Variants in BTNL2 observed in about 807,000 individuals in gnomAD.
The protein encoded by BTNL2 is butyrophilin like 2, also known as butyrophilin-like protein 2.
Under a neutral mutation model 46.8 loss-of-function variants are expected in BTNL2, and 46 were observed. That is an observed-to-expected ratio of 0.98 (90% confidence interval 0.78 to 1.26). The LOEUF is 1.26. Ranked by LOEUF, BTNL2 falls within the 50% of genes most tolerant of loss-of-function variation. BTNL2 has a pLI of 0.00. For synonymous variants in BTNL2, 226 were observed against 229.1 expected (o/e 0.99, Z 0.12); for missense variants, 461 against 592.6 (o/e 0.78, Z 2.31).
At position 32,396,491 on chromosome 6, in the gene BTNL2, G is replaced by GCAACCCT; in HGVS notation, c.731-106_731-105insAGGGTTG. 1 of 1,163,482 alleles carries GCAACCCT rather than the reference G, an allele frequency of 8.6e-7. No homozygotes were observed. Among genetic ancestry groups the GCAACCCT allele is most frequent in the Non-Finnish European group, 1.2e-6 (1 of 807,506 alleles). 72.1% of individuals were successfully genotyped at this position (1,163,482 alleles called of 1,614,324 possible). ...GAGTTTAGAAACCATGAGCATCCCAGGGTTGCTGTGAGGCTCAGGGTCATC... is the reference window on the plus strand; with the variant it reads ...GAGTTTAGAAACCATGAGCATCCCAGCAACCCTGGTTGCTGTGAGGCTCAGGGTCATC... On this transcript the variant is annotated intron_variant, in intron 4 of 7. Coordinates refer to ENST00000454136, the MANE Select transcript of BTNL2 (RefSeq NM_001304561.2). The surrounding 1 kb of genome is among the most constrained non-coding windows in gnomAD (Gnocchi z 4.4).
chr6:32,402,959 TCTC>T lies in BTNL2; in HGVS notation c.682_684del (p.Glu228del). ...CCTGGGAGGCTGATGACCGACCCCT[TCTC>T]CTCAGTGAGGACGGGGTTGTGGACC... On this transcript the variant is annotated inframe_deletion, in exon 3 of 8. Transcript: ENST00000454136. The T allele has an allele frequency of 1.9e-6, 3 of 1,612,904 alleles. No homozygotes were observed. The highest frequency in any genetic ancestry group is 2.5e-6 in the Non-Finnish European group (3 of 1,179,954).
chr6:32,406,095 C>T (rs1232308040), intron 1 of BTNL2: 1 of 152,458 alleles, frequency 6.6e-6, no homozygotes, highest in Admixed American at 6.5e-5. Flanking sequence ...GCTCCGGGGC[C>T]ATTTGCTCTT....
At chr6:32,401,207 CAAAAAAAAAAAAAAAAAAAAAAAA>C (rs9279632) in intron 4 of BTNL2, among the ~76,000 whole-genome samples, 11 of 38,918 alleles carry the variant, frequency 2.8e-4, no homozygotes, top group South Asian at 1.1e-3. Flanking sequence ...GACTCCGTCT[CAAAAAAAAAAAAAAAAAAAAAAAA>C]AAAAAAAAAA....
At chr6:32,404,559 T>C (rs1776994241) in intron 2 of BTNL2, among the ~76,000 whole-genome samples, 1 of 152,216 alleles carries the variant, frequency 6.6e-6, no homozygotes, top group South Asian at 2.1e-4. Flanking sequence ...TAGATGGGAT[T>C]GGGTAGAGAA....
intron 4 of BTNL2, among the ~76,000 whole-genome samples, chr6:32,397,583 C>G (rs1776528121): frequency 6.6e-6 from 1 of 152,208 alleles, no homozygotes; most frequent in South Asian, 2.1e-4. Flanking sequence ...TAAACTACTT[C>G]TTAATCTGTC....
At chr6:32,405,420 C>A in intron 1 of BTNL2, 134 bp from the exon 2 acceptor site, 1 of 881,792 alleles carries the variant, frequency 1.1e-6, no homozygotes, top group East Asian at 2.6e-5. Flanking sequence ...TTAGAGAAAT[C>A]CAGCATGATG....
At chr6:32,398,008 C>T (rs117709429) in intron 4 of BTNL2, among the ~76,000 whole-genome samples, 1,875 of 152,186 alleles carry the variant, frequency 0.012, 69 homozygotes, top group East Asian at 0.11. Context: ...TTGGGGAAGT[C>T]GGCAAAGTAC....
At chr6:32,395,531 C>T (rs1335291983) in intron 5 of BTNL2, among the ~76,000 whole-genome samples, 1 of 152,180 alleles carries the variant, frequency 6.6e-6, no homozygotes, top group Non-Finnish European at 1.5e-5. Context: ...TACTCAATGG[C>T]ATCTGCTAAC....
In BTNL2 at chr6:32,396,528, TG is replaced by T; in HGVS notation, c.731-143del. ...GGCTCAGGGTCATCCTTAGGTGAGG[TG>T]GGGGTTTCATGGACTCAGAATAGAG... On this transcript the variant is annotated intron_variant, in intron 4 of 7. Coordinates refer to ENST00000454136, the MANE Select transcript of BTNL2 (RefSeq NM_001304561.2). This position sits in a 1 kb window ranked among gnomAD's most constrained non-coding sequence, Gnocchi z 4.4. 1 of 789,988 alleles carries T rather than the reference TG, an allele frequency of 1.3e-6. No homozygotes were observed. The highest frequency in any genetic ancestry group is 2.1e-6 in the Non-Finnish European group (1 of 476,788). 48.9% of individuals were successfully genotyped at this position (789,988 alleles called of 1,614,324 possible).
At chr6:32,400,502 G>C (rs1776682716) in intron 4 of BTNL2, among the ~76,000 whole-genome samples, 1 of 152,106 alleles carries the variant, frequency 6.6e-6, no homozygotes, top group African/African-American at 2.4e-5. Flanking sequence ...GAGGGAGCTA[G>C]TAAGGAGGTA....
Position 32,396,230 on chromosome 6 carries a change from T to C in BTNL2, c.887A>G (p.Asp296Gly). 1.2e-6 allele frequency: 2 copies of C among 1,613,050 alleles called. No individual in the cohort carries two copies. The highest frequency in any genetic ancestry group is 1.7e-6 in the Non-Finnish European group (2 of 1,180,032). The change falls in exon 5 of 8, where the codon GAT becomes GGT. Residue 296 changes from aspartate (D) to glycine (G), a missense_variant. Asp to Gly is a moderately conservative substitution (Grantham distance 94). Transcript: ENST00000454136. The surrounding 1 kb of genome is among the most constrained non-coding windows in gnomAD (Gnocchi z 4.4). ...CTGCTCTCCAGCCACATGGTCCCCA[T>C]CCATATACACATGCACAGCAGGGTA... ...HRYPAVHVYMDGDHVAGEQMA... is the reference protein window; with the variant it reads ...HRYPAVHVYMGGDHVAGEQMA...
chr6:32,395,055 G>A (rs17202435), intron 5 of BTNL2, 30 bp from the exon 6 acceptor site: 231,934 of 1,529,756 alleles, frequency 0.15, 18,737 homozygotes, highest in East Asian at 0.22. Flanking sequence ...CAAAGCCTGG[G>A]GTCCTTTCAA....
intron 2 of BTNL2, among the ~76,000 whole-genome samples, chr6:32,404,628 T>TGGTTTGCTCTTGCGCAC (rs1225170736): frequency 1.3e-5 from 2 of 152,220 alleles, no homozygotes. Flanking sequence ...ATGCAGCAAT[T>TGGTTTGCTCTTGCGCAC]GGTTTGCTCT....
chr6:32,402,852 T>C, intron 3 of BTNL2, 83 bp downstream of exon 3: 2 of 1,383,070 alleles, frequency 1.4e-6, no homozygotes, highest in Non-Finnish European at 2.0e-6. Flanking sequence ...TGTCTCTTGA[T>C]AAAAATACGA....
rs550019141 is a variant in BTNL2 at position 32,405,077 on chromosome 6, A to G, written c.289T>C (p.Trp97Arg). The change falls in exon 2 of 8, where the codon TGG becomes CGG. Residue 97 changes from tryptophan (W) to arginine (R), a missense_variant. Trp to Arg is a moderately radical substitution (Grantham distance 101, BLOSUM62 -3). Transcript: ENST00000454136. ...QMEEYRGWVE[W>R]IENGIAKGNV... ...CCCTTTGCAATGCCATTCTCTATCC[A>G]CTCTACCCAGCCTCTGTACTCCTCC... The G allele has an allele frequency of 1.2e-6, 2 of 1,612,312 alleles. No homozygotes were observed. Among genetic ancestry groups the G allele is most frequent in the Admixed American group, 3.3e-5 (2 of 59,942 alleles).
chr6:32,406,951 A>G (rs1583276469), intron 1 of BTNL2, 94 bp downstream of exon 1: 1 of 1,180,254 alleles, frequency 8.5e-7, no homozygotes, highest in Admixed American at 2.1e-5. Context: ...GCTTGGCCCC[A>G]GACTTACACT....
chr6:32,405,752 A>G (rs10947264), intron 1 of BTNL2, among the ~76,000 whole-genome samples: 18,524 of 141,790 alleles, frequency 0.13, 1,348 homozygotes, highest in East Asian at 0.31. Flanking sequence ...TAATAAATCC[A>G]TTTATTAGCT....
intron 1 of BTNL2, chr6:32,405,564 T>C: frequency 2.2e-6 from 1 of 452,424 alleles, no homozygotes; most frequent in South Asian, 2.1e-5. Context: ...CTTGGTAAGA[T>C]TTTGAGATTT....
Position 32,396,523 on chromosome 6 carries a change from T to TGA in BTNL2, c.731-139_731-138dup, listed in dbSNP as rs1372790532. On this transcript the variant is annotated intron_variant, in intron 4 of 7. Transcript: ENST00000454136. This position sits in a 1 kb window ranked among gnomAD's most constrained non-coding sequence, Gnocchi z 4.4. ...TGTGAGGCTCAGGGTCATCCTTAGG[T>TGA]GAGGTGGGGGTTTCATGGACTCAGA... 1.2e-6 allele frequency: 1 copy of TGA among 813,076 alleles called. No homozygotes were observed. Among genetic ancestry groups the TGA allele is most frequent in the African/African-American group, 1.7e-5 (1 of 58,624 alleles). 50.4% of individuals were successfully genotyped at this position (813,076 alleles called of 1,614,324 possible). A position where few individuals can be genotyped will look rare whatever the true frequency, so the allele number is the denominator to read the frequency against.
Sources: allele counts gnomAD v4.1 joint callset (sites outside exome capture counted in the v4.1 genomes callset), GRCh38; gene constraint gnomAD v4.1.1; non-coding constraint Gnocchi (gnomAD v3.1); transcripts MANE v1.5; gene names NCBI Gene and HGNC (gene_info 2026-07-23, HGNC 2026-07-21).